Variants in TRA2A observed in about 807,000 individuals in gnomAD.
TRA2A encodes the protein transformer 2 alpha homolog.
A neutral mutation model predicts 45.7 loss-of-function variants in TRA2A; 31 were observed. That is an observed-to-expected ratio of 0.68 (90% confidence interval 0.51 to 0.92). TRA2A has a LOEUF of 0.92. TRA2A is among the 40% of genes least tolerant of loss of function. The pLI, the probability that TRA2A is intolerant of heterozygous loss-of-function variation, is 0.00. For missense variants in TRA2A, 304 were observed against 367.5 expected, an observed-to-expected ratio of 0.83 and a Z score of 1.41; for synonymous variants, 132 against 126.2, an observed-to-expected ratio of 1.05 and a Z score of -0.31.
At chr7:23,517,847 G>A (rs1416223889) in intron 2 of TRA2A, among the ~76,000 whole-genome samples, 1 of 152,050 alleles carries the variant, frequency 6.6e-6, no homozygotes, top group Non-Finnish European at 1.5e-5. Context: ...GGGAGGTGGA[G>A]GCTGCAGTGA....
At chr7:23,531,727 G>A in intron 1 of TRA2A, 62 bp downstream of exon 1, 5 of 1,597,414 alleles carry the variant, frequency 3.1e-6, no homozygotes, top group Admixed American at 1.7e-5. Context: ...GACCGCGCTT[G>A]TTCCCGTGAA....
In TRA2A at chr7:23,526,002, T is replaced by C. The variant is rs9886042; in HGVS notation, c.37-4162A>G. 2.0e-3 allele frequency among the ~76,000 whole-genome samples: 306 copies of C among 152,322 alleles called. 2 individuals carry two copies. Among genetic ancestry groups the C allele is most frequent in the Middle Eastern group, 6.8e-3 (2 of 294 alleles). On this transcript the variant is annotated intron_variant, in intron 1 of 7. Coordinates refer to ENST00000297071, the MANE Select transcript of TRA2A (RefSeq NM_013293.5). Reference sequence around the variant, plus strand: ...TAACTAAAACACTAAGAAAGTGTTATAGTGTAACCAATACAAGCTGGTTAA... The same window carrying C: ...TAACTAAAACACTAAGAAAGTGTTACAGTGTAACCAATACAAGCTGGTTAA...
chr7:23,508,676 A>C (rs1052314625), intron 4 of TRA2A, among the ~76,000 whole-genome samples: 6 of 152,050 alleles, frequency 3.9e-5, no homozygotes, highest in African/African-American at 1.4e-4. Flanking sequence ...TTGTATTTTT[A>C]GTAGAGATGG....
chr7:23,530,116 C>T (rs1227829458), intron 1 of TRA2A, among the ~76,000 whole-genome samples: 2 of 152,126 alleles, frequency 1.3e-5, no homozygotes. Context: ...TATGAATGGA[C>T]AGCAAAATTT....
At chr7:23,525,069 A>G (rs908691029) in intron 1 of TRA2A, among the ~76,000 whole-genome samples, 8 of 152,206 alleles carry the variant, frequency 5.3e-5, no homozygotes, top group African/African-American at 9.7e-5. Context: ...GGAAGAATAA[A>G]CTGCCAAGTA....
In TRA2A at chr7:23,507,431, G is replaced by A; in HGVS notation, c.630C>T (p.Gly210=). The A allele has an allele frequency of 6.2e-7, 1 of 1,613,520 alleles. No homozygotes were observed. Among genetic ancestry groups the A allele is most frequent in the Non-Finnish European group, 8.5e-7 (1 of 1,179,418 alleles). ...AHTPTPGIYM[G]RPTHSGGGGG... ...ACTTGAACTCTTACTGAGTTGGTCT[G>A]CCCATGTAGATGCCTGGTGTTGGTG... The change falls in exon 5 of 8, where the codon GGC becomes GGT. Residue 210 remains glycine, a synonymous_variant. Coordinates refer to ENST00000297071, the MANE Select transcript of TRA2A (RefSeq NM_013293.5).
At position 23,520,894 on chromosome 7, in the gene TRA2A, T is replaced by C. The variant is rs553355507; in HGVS notation, c.170+813A>G. 1.4e-4 allele frequency among the ~76,000 whole-genome samples: 22 copies of C among 152,224 alleles called. No individual in the cohort carries two copies. In the South Asian group the frequency reaches 1.7e-3, roughly 11 times the overall value. The stretch of plus-strand genomic sequence containing the variant: ...TTGTAGTAGAGGCAGGGTTTCACCA[T>C]GTTGCCCAGGCTGGTCTAAAACTCC... On this transcript the variant is annotated intron_variant, in intron 2 of 7. Coordinates refer to ENST00000297071, the MANE Select transcript of TRA2A (RefSeq NM_013293.5).
chr7:23,522,862 A>C (rs776338802), intron 1 of TRA2A, among the ~76,000 whole-genome samples: 1 of 152,158 alleles, frequency 6.6e-6, no homozygotes, highest in Non-Finnish European at 1.5e-5. Context: ...AAGGCATCCC[A>C]GGCTGAAATA....
intron 4 of TRA2A, among the ~76,000 whole-genome samples, chr7:23,512,670 G>A (rs536697772): frequency 2.0e-5 from 3 of 151,808 alleles, no homozygotes; most frequent in East Asian, 3.9e-4. Context: ...GTGTTAGCCA[G>A]GATAGTCTCG....
chr7:23,505,585 C>CAAAAAAAA lies in TRA2A; in HGVS notation c.839-24_839-17dup, dbSNP rs5882904. ...CAATAGCGTCCTAAAAGAGAAAAAG[C>CAAAAAAAA]AAAAAAAAAAAAAAAAAAAAAAAGT... On this transcript the variant is annotated splice_polypyrimidine_tract_variant and intron_variant, in intron 7 of 7. Transcript: ENST00000297071. The CAAAAAAAA allele has an allele frequency of 1.0e-4, 25 of 244,964 alleles. 2 individuals are homozygous for CAAAAAAAA. Among genetic ancestry groups the CAAAAAAAA allele is most frequent in the Admixed American group, 2.1e-4 (2 of 9,548 alleles). The allele number at this position is 244,964 out of a possible 1,614,324, so 15.2% of individuals were successfully genotyped here.
chr7:23,531,263 G>C, intron 1 of TRA2A: 1 of 987,404 alleles, frequency 1.0e-6, no homozygotes, highest in South Asian at 4.6e-5. Flanking sequence ...CAGAGACGCG[G>C]CCGCTCACTG....
chr7:23,509,478 G>T (rs925646909), intron 4 of TRA2A, among the ~76,000 whole-genome samples: 2 of 152,182 alleles, frequency 1.3e-5, no homozygotes, highest in Non-Finnish European at 2.9e-5. Context: ...GCTCACACCT[G>T]TACTCCCAGC....
intron 1 of TRA2A, among the ~76,000 whole-genome samples, chr7:23,524,784 C>G (rs745976949): frequency 1.4e-4 from 21 of 151,764 alleles, no homozygotes; most frequent in African/African-American, 4.6e-4. Flanking sequence ...CTCCGCCTCC[C>G]GGATTCAAGC....
Position 23,531,868 on chromosome 7 carries a change from G to C in TRA2A, c.-44C>G, listed in dbSNP as rs1790601699. On this transcript the variant is annotated 5_prime_UTR_variant, in exon 1 of 8. Coordinates refer to ENST00000297071, the MANE Select transcript of TRA2A (RefSeq NM_013293.5). ...AGAACTAAATAAGAGACAAGTCTCG[G>C]CTCGAGGGCCGATGGCCTAATTAAC... is the stretch of plus-strand genomic sequence containing the variant. 6.2e-7 allele frequency: 1 copy of C among 1,609,406 alleles called. No homozygotes were observed.
At chr7:23,508,953 A>G (rs1789467642) in intron 4 of TRA2A, among the ~76,000 whole-genome samples, 1 of 152,106 alleles carries the variant, frequency 6.6e-6, no homozygotes, top group African/African-American at 2.4e-5. Flanking sequence ...TCTCTTTGAA[A>G]AGAACTCTGA....
rs775357267 is a variant in TRA2A at position 23,516,409 on chromosome 7, C to T, written c.290G>A (p.Arg97Gln). 8.7e-6 allele frequency: 14 copies of T among 1,613,986 alleles called. No individual in the cohort carries two copies. Among genetic ancestry groups the T allele is most frequent in the East Asian group, 2.2e-5 (1 of 44,898 alleles). The change falls in exon 3 of 8, where the codon CGA becomes CAA. Residue 97 changes from arginine to glutamine, a missense_variant. Physicochemically the swap from Arg to Gln is conservative, Grantham distance 43 (BLOSUM62 1). This residue lies in a region of TRA2A where 130 missense variants were observed against 217.1 expected (regional missense o/e 0.60). Transcript: ENST00000297071. ...YTPEYRRRRS[R>Q]SHSPMSNRRR... ...CCGGTTAGACATTGGAGAATGGCTT[C>T]GGCTCCTTCGCCGCCGGTATTCTGG...
intron 2 of TRA2A, among the ~76,000 whole-genome samples, chr7:23,517,608 G>C (rs1248577618): frequency 7.2e-6 from 1 of 139,698 alleles, no homozygotes; most frequent in Non-Finnish European, 1.5e-5. Flanking sequence ...CAGAAACAAA[G>C]ACAAAACAAA....
Position 23,505,576 on chromosome 7 carries a change from GAGAAAAAGCAAAA to G in TRA2A, c.839-20_839-8del. ...TTCCGTTATCAATAGCGTCCTAAAA[GAGAAAAAGCAAAA>G]AAAAAAAAAAAAAAAAAAAGTTAAC... is the stretch of plus-strand genomic sequence containing the variant. On this transcript the variant is annotated splice_polypyrimidine_tract_variant and splice_region_variant and intron_variant, in intron 7 of 7. Transcript: ENST00000297071. 3.9e-6 allele frequency: 1 copy of G among 256,726 alleles called. No individual in the cohort carries two copies. Among genetic ancestry groups the G allele is most frequent in the Non-Finnish European group, 6.4e-6 (1 of 156,550 alleles). The allele number at this position is 256,726 out of a possible 1,614,324, so 15.9% of individuals were successfully genotyped here. A position where few individuals can be genotyped will look rare whatever the true frequency, so the allele number is the denominator to read the frequency against.
At position 23,531,782 on chromosome 7, in the gene TRA2A, TACTC is replaced by T; in HGVS notation, c.36+3_36+6del. 6.2e-7 allele frequency: 1 copy of T among 1,613,470 alleles called. No homozygotes were observed. Among genetic ancestry groups the T allele is most frequent in the Non-Finnish European group, 8.5e-7 (1 of 1,180,008 alleles). On this transcript the variant is annotated splice_donor_5th_base_variant and intron_variant, in intron 1 of 7. Coordinates refer to ENST00000297071, the MANE Select transcript of TRA2A (RefSeq NM_013293.5). ...CGCCTAGACGGCTCCCGCGGCTTTG[TACTC>T]ACTCTGCCCTCGAAGTTGTTTTCCT...
Sources: allele counts gnomAD v4.1 joint callset (sites outside exome capture counted in the v4.1 genomes callset), GRCh38; gene constraint gnomAD v4.1.1; regional missense constraint gnomAD v4.1.1; transcripts MANE v1.5; gene names NCBI Gene and HGNC (gene_info 2026-07-23, HGNC 2026-07-21).